HHIPL1: variants seen among roughly 807,000 people sequenced by gnomAD.
HHIPL1 encodes HHIP-like protein 1.
A neutral mutation model predicts 61.8 loss-of-function variants in HHIPL1; 43 were observed. That is an observed-to-expected ratio of 0.70 (90% CI 0.55 to 0.90). The LOEUF (loss-of-function observed/expected upper bound fraction) is 0.90, where lower values mean the gene tolerates loss of function less well. Ranked by LOEUF, HHIPL1 falls within the 40% of genes least tolerant of loss-of-function variation. The pLI, the probability that HHIPL1 is intolerant of heterozygous loss-of-function variation, is 0.00. For synonymous variants in HHIPL1, 482 were observed against 515.8 expected, an observed-to-expected ratio of 0.93 and a Z score of 0.89; for missense variants, 1,056 against 1,157.7, an observed-to-expected ratio of 0.91 and a Z score of 1.28.
Position 99,659,565 on chromosome 14 carries a change from A to G in HHIPL1, c.1184A>G (p.Asn395Ser). 1.3e-6 allele frequency: 2 copies of G among 1,551,610 alleles called. No homozygotes were observed. Among genetic ancestry groups the G allele is most frequent in the South Asian group, 1.2e-5 (1 of 84,198 alleles). The change falls in exon 4 of 9, where the codon AAC becomes AGC. Residue 395 changes from asparagine (N) to serine (S), a missense_variant. Physicochemically the swap from Asn to Ser is conservative, Grantham distance 46. Coordinates refer to ENST00000330710, the MANE Select transcript of HHIPL1 (RefSeq NM_001127258.3). ...GAGGTCTACGCCCTGGGCGTGCGCAACATGTGGCGCTGCTCCTTCGACCGT... is the reference window on the plus strand; with the variant it reads ...GAGGTCTACGCCCTGGGCGTGCGCAGCATGTGGCGCTGCTCCTTCGACCGT... ...QPEVYALGVR[N>S]MWRCSFDRGD...
the HHIPL1 span, among the ~76,000 whole-genome samples, chr14:99,622,314 A>C: frequency 2.6e-5 from 4 of 151,818 alleles, no homozygotes; most frequent in Admixed American, 1.3e-4. Flanking sequence ...AGACCCTCTA[A>C]CTCTAGATTG....
intron 5 of HHIPL1, among the ~76,000 whole-genome samples, chr14:99,662,570 T>A (rs2056168921): frequency 6.6e-6 from 1 of 152,202 alleles, no homozygotes; most frequent in Non-Finnish European, 1.5e-5. Flanking sequence ...ACATGTGCAG[T>A]CACAGAGGGC....
intron 2 of HHIPL1, among the ~76,000 whole-genome samples, chr14:99,654,172 G>C (rs1205525392): frequency 8.1e-6 from 1 of 123,440 alleles, no homozygotes; most frequent in East Asian, 2.5e-4. Flanking sequence ...CTGGATGACA[G>C]AGCAAGACTC....
At chr14:99,637,201 G>GAAGAAAGAAAGA in the HHIPL1 span, among the ~76,000 whole-genome samples, 992 of 87,208 alleles carry the variant, frequency 0.011, 28 homozygotes, top group Middle Eastern at 0.029. Context: ...AGAAAGAAAG[G>GAAGAAAGAAAGA]AAGAAAGAAA....
At position 99,678,680 on chromosome 14, in the gene HHIPL1, A is replaced by AG. The variant is rs1262706588; in HGVS notation, c.*3058dup. The stretch of plus-strand genomic sequence containing the variant: ...AAGTAATAATATTCCCAAATAAGGA[A>AG]GGGGTATAGGCTGTGAGCTGGGACA... On this transcript the variant is annotated 3_prime_UTR_variant, in exon 9 of 9. Coordinates refer to ENST00000330710, the MANE Select transcript of HHIPL1 (RefSeq NM_001127258.3). 1 of 152,244 alleles carries AG rather than the reference A, an allele frequency of 6.6e-6. No homozygotes were observed. The highest frequency in any genetic ancestry group is 1.5e-5 in the Non-Finnish European group (1 of 68,042). 9.4% of individuals were successfully genotyped at this position (152,244 alleles called of 1,614,324 possible).
the HHIPL1 span, among the ~76,000 whole-genome samples, chr14:99,637,185 A>G: frequency 1.1e-4 from 12 of 109,728 alleles, no homozygotes; most frequent in African/African-American, 3.0e-4. Flanking sequence ...AGAAAGAAAG[A>G]ATGGAAGAAA....
At chr14:99,663,493 C>T (rs895913014) in intron 6 of HHIPL1, among the ~76,000 whole-genome samples, 16 of 152,074 alleles carry the variant, frequency 1.1e-4, no homozygotes, top group African/African-American at 3.6e-4. Flanking sequence ...GACCAGAGGC[C>T]GTCTTGGTTG....
chr14:99,621,709 CTTT>C, the HHIPL1 span, among the ~76,000 whole-genome samples: 5 of 84,534 alleles, frequency 5.9e-5, no homozygotes, highest in South Asian at 5.7e-4. Flanking sequence ...CTTTTCTTTT[CTTT>C]TTTTTTTTTT....
intron 3 of HHIPL1, among the ~76,000 whole-genome samples, chr14:99,658,058 C>T (rs1174489039): frequency 6.6e-6 from 1 of 152,146 alleles, no homozygotes; most frequent in East Asian, 1.9e-4. Context: ...AATGGTAAAA[C>T]CTTCCTCAGC....
At chr14:99,665,837 A>G (rs1309802136) in intron 6 of HHIPL1, among the ~76,000 whole-genome samples, 1 of 152,116 alleles carries the variant, frequency 6.6e-6, no homozygotes, top group Non-Finnish European at 1.5e-5. Flanking sequence ...GCTGGAGTAC[A>G]GTGGTGTGAT....
rs367728481 is a variant in HHIPL1 at position 99,675,070 on chromosome 14, G to T, written c.1814-21G>T. ...CAGGGGCGCCTGGGTCCCTCTGACGGCATACTCTTCCTCTGCGCAGAGTTC... is the reference window on the plus strand; with the variant it reads ...CAGGGGCGCCTGGGTCCCTCTGACGTCATACTCTTCCTCTGCGCAGAGTTC... On this transcript the variant is annotated intron_variant, in intron 8 of 8. Transcript: ENST00000330710. The surrounding 1 kb of genome is among the most constrained non-coding windows in gnomAD (Gnocchi z 5.4). 17 of 1,135,646 alleles carry T rather than the reference G, an allele frequency of 1.5e-5. No individual in the cohort carries two copies. The highest frequency in any genetic ancestry group is 1.8e-5 in the Non-Finnish European group (16 of 914,160). 70.3% of individuals were successfully genotyped at this position (1,135,646 alleles called of 1,614,324 possible).
rs2056421611 is a variant in HHIPL1, at chr14:99,679,649, A to C, written c.*4023A>C. 1.3e-5 allele frequency: 2 copies of C among 152,218 alleles called. No homozygotes were observed. The highest frequency in any genetic ancestry group is 4.8e-5 in the African/African-American group (2 of 41,462). The allele number at this position is 152,218 out of a possible 1,614,324, so 9.4% of individuals were successfully genotyped here. A position where few individuals can be genotyped will look rare whatever the true frequency, so the allele number is the denominator to read the frequency against. On this transcript the variant is annotated 3_prime_UTR_variant, in exon 9 of 9. Transcript: ENST00000330710. ...CTGGCTCTGTGCCTCTCTGAGTCTC[A>C]TTGCAAAATAGAGGTCACCAGAAGG...
In HHIPL1 at chr14:99,678,511, G is replaced by C. The variant is rs2056411586; in HGVS notation, c.*2885G>C. 6.6e-6 allele frequency: 1 copy of C among 152,236 alleles called. No homozygotes were observed. Among genetic ancestry groups the C allele is most frequent in the Non-Finnish European group, 1.5e-5 (1 of 68,056 alleles). The allele number at this position is 152,236 out of a possible 1,614,324, so 9.4% of individuals were successfully genotyped here. A position where few individuals can be genotyped will look rare whatever the true frequency, so the allele number is the denominator to read the frequency against. ...GTTAGCCCTTATGCAGTTTGTCCCT[G>C]CTACTGTGTCCTATGTCCATTGGCA... On this transcript the variant is annotated 3_prime_UTR_variant, in exon 9 of 9. Coordinates refer to ENST00000330710, the MANE Select transcript of HHIPL1 (RefSeq NM_001127258.3).
Position 99,668,441 on chromosome 14 carries a change from G to A in HHIPL1, c.1730+138G>A, listed in dbSNP as rs1566816392. The A allele has an allele frequency of 1.5e-6, 1 of 647,714 alleles. No homozygotes were observed. The highest frequency in any genetic ancestry group is 1.8e-5 in the African/African-American group (1 of 55,730). The allele number at this position is 647,714 out of a possible 1,614,324, so 40.1% of individuals were successfully genotyped here. On this transcript the variant is annotated intron_variant, in intron 7 of 8. Coordinates refer to ENST00000330710, the MANE Select transcript of HHIPL1 (RefSeq NM_001127258.3). The surrounding 1 kb of genome is among the most constrained non-coding windows in gnomAD (Gnocchi z 4.7). ...AGACAAGAACCCTGAGGCCCAGAGA[G>A]GGACGTGATTTGCCTCAGTTCCTCC...
rs1262442337 is a variant in HHIPL1, at chr14:99,659,770, C to T, written c.1375+14C>T. Reference sequence around the variant, plus strand: ...ACACCTCTCTCAGTGAGTGCCCGCGCCCCGGGGACCCCGGCCCCGAATCCG... The same window carrying T: ...ACACCTCTCTCAGTGAGTGCCCGCGTCCCGGGGACCCCGGCCCCGAATCCG... On this transcript the variant is annotated intron_variant, in intron 4 of 8. Coordinates refer to ENST00000330710, the MANE Select transcript of HHIPL1 (RefSeq NM_001127258.3). 1.4e-6 allele frequency: 2 copies of T among 1,393,150 alleles called. No homozygotes were observed. The highest frequency in any genetic ancestry group is 1.9e-6 in the Non-Finnish European group (2 of 1,077,658). 86.3% of individuals were successfully genotyped at this position (1,393,150 alleles called of 1,614,324 possible). A position where few individuals can be genotyped will look rare whatever the true frequency, so the allele number is the denominator to read the frequency against.
At chr14:99,610,341 T>G in the HHIPL1 span, among the ~76,000 whole-genome samples, 1 of 152,200 alleles carries the variant, frequency 6.6e-6, no homozygotes, top group Non-Finnish European at 1.5e-5. Context: ...CCACTTCTGC[T>G]TTTGATGCTC....
At chr14:99,642,636 C>T (rs1179735780), upstream of HHIPL1, among the ~76,000 whole-genome samples, 1 of 151,778 alleles carries the variant, frequency 6.6e-6, no homozygotes. Context: ...CGCCATTCTC[C>T]TGCCTCGGCC....
Position 99,660,405 on chromosome 14 carries a change from G to T in HHIPL1, c.1501G>T (p.Gly501Trp). The change falls in exon 5 of 9, where the codon GGG (glycine) becomes TGG (tryptophan). Residue 501 changes from glycine (G) to tryptophan (W), a missense_variant and splice_region_variant. Coordinates refer to ENST00000330710, the MANE Select transcript of HHIPL1 (RefSeq NM_001127258.3). This position sits in a 1 kb window ranked among gnomAD's most constrained non-coding sequence, Gnocchi z 4.9. ...CTACATTTTTGGGGATTTCATGAGC[G>T]GGTAAGTGACCTAGTGCCCTCGCGC... The part of the protein sequence containing the change: ...GLYIFGDFMS[G>W]RLMSLQENPG... The T allele has an allele frequency of 6.2e-7, 1 of 1,612,698 alleles. No individual in the cohort carries two copies. Among genetic ancestry groups the T allele is most frequent in the Non-Finnish European group, 8.5e-7 (1 of 1,179,068 alleles).
At chr14:99,616,995 G>A in the HHIPL1 span, among the ~76,000 whole-genome samples, 14 of 152,230 alleles carry the variant, frequency 9.2e-5, no homozygotes, top group East Asian at 2.3e-3. Flanking sequence ...GGGAGTGTGC[G>A]ATCACCCAGG....
Sources: gnomAD v4.1 joint callset for allele counts (sites outside exome capture counted in the v4.1 genomes callset) on GRCh38, gnomAD v4.1.1 for gene constraint, Gnocchi (gnomAD v3.1) non-coding constraint, MANE v1.5 for transcripts, NCBI Gene and HGNC (gene_info 2026-07-23, HGNC 2026-07-21) for gene names.